CDX1: variants seen among roughly 807,000 people sequenced by gnomAD.
The protein encoded by CDX1 is caudal type homeobox 1.
Under a neutral mutation model 16.9 loss-of-function variants are expected in CDX1, and 9 were observed. That is an observed-to-expected ratio of 0.53 (90% CI 0.32 to 0.93). The LOEUF (loss-of-function observed/expected upper bound fraction) is 0.93, where lower values mean the gene tolerates loss of function less well. Among genes scored for constraint, CDX1 ranks in the 40% least tolerant of loss-of-function variants. The pLI is 0.04. For missense variants in CDX1, 393 were observed against 386.1 expected, an observed-to-expected ratio of 1.02 and a Z score of -0.15; for synonymous variants, 179 against 179.0, an observed-to-expected ratio of 1.00 and a Z score of 0.00.
chr5:150,175,623 A>G (rs1191235702), intron 1 of CDX1, among the ~76,000 whole-genome samples: 1 of 152,220 alleles, frequency 6.6e-6, no homozygotes, highest in Non-Finnish European at 1.5e-5. Flanking sequence ...CAGATCAGCC[A>G]AGACAAGGAC....
At chr5:150,168,892 T>C (rs1216133564) in intron 1 of CDX1, among the ~76,000 whole-genome samples, 1 of 152,244 alleles carries the variant, frequency 6.6e-6, no homozygotes, top group African/African-American at 2.4e-5. Flanking sequence ...AAGGTACAAA[T>C]GTTGCATCAT....
At chr5:150,182,085 C>T (rs907211275) in intron 1 of CDX1, among the ~76,000 whole-genome samples, 25 of 152,200 alleles carry the variant, frequency 1.6e-4, no homozygotes, top group African/African-American at 5.3e-4. Context: ...CCCAGGCATT[C>T]GGCAAGAACT....
Position 150,167,058 on chromosome 5 carries a change from G to A in CDX1, c.182G>A (p.Trp61Ter). ...VEPAPAPPTA[W>*]GAPFPAPKDD... Reference sequence around the variant, plus strand: ...CCGGCCCCCGCGCCCCCGACGGCCTGGGGGGCGCCCTTCCCTGCGCCCAAG... The same window carrying A: ...CCGGCCCCCGCGCCCCCGACGGCCTAGGGGGCGCCCTTCCCTGCGCCCAAG... Residue 61 changes from tryptophan (W) to a stop codon, truncating the protein, a stop_gained, in exon 1 of 3, where the codon TGG (tryptophan) becomes TAG (stop). Coordinates refer to ENST00000231656, the MANE Select transcript of CDX1 (RefSeq NM_001804.3). LOFTEE classifies it high-confidence loss of function. 1 of 1,424,792 alleles carries A rather than the reference G, an allele frequency of 7.0e-7. No individual in the cohort carries two copies. The highest frequency in any genetic ancestry group is 9.1e-7 in the Non-Finnish European group (1 of 1,094,660). 88.3% of individuals were successfully genotyped at this position (1,424,792 alleles called of 1,614,324 possible).
chr5:150,179,275 A>T (rs934501632), intron 1 of CDX1, among the ~76,000 whole-genome samples: 1 of 152,178 alleles, frequency 6.6e-6, no homozygotes, highest in South Asian at 2.1e-4. Context: ...TCCACCAGAG[A>T]GAAGTTGGCC....
At position 150,166,941 on chromosome 5, in the gene CDX1, G is replaced by T. The variant is rs759310179; in HGVS notation, c.65G>T (p.Ser22Ile). The T allele has an allele frequency of 8.0e-6, 12 of 1,502,256 alleles. No individual in the cohort carries two copies. Among genetic ancestry groups the T allele is most frequent in the Non-Finnish European group, 1.1e-5 (12 of 1,132,760 alleles). 93.1% of individuals were successfully genotyped at this position (1,502,256 alleles called of 1,614,324 possible). A position where few individuals can be genotyped will look rare whatever the true frequency, so the allele number is the denominator to read the frequency against. Residue 22 changes from serine (S) to isoleucine (I), a missense_variant, in exon 1 of 3, where the codon AGC (serine) becomes ATC (isoleucine). Ser to Ile is a moderately radical substitution (Grantham distance 142). Transcript: ENST00000231656. ...PVYPGPARPA[S>I]LGLGPQAYGP... is the part of the protein sequence containing the mutation. Reference sequence around the variant, plus strand: ...TACCCCGGCCCAGCCAGGCCAGCCAGCCTCGGCCTGGGCCCGCAAGCCTAC... The same window carrying T: ...TACCCCGGCCCAGCCAGGCCAGCCATCCTCGGCCTGGGCCCGCAAGCCTAC...
Position 150,166,957 on chromosome 5 carries a change from G to T in CDX1, c.81G>T (p.Pro27=). The part of the protein sequence containing the change: ...PARPASLGLG[P]QAYGPPAPPP... ...GGCCAGCCAGCCTCGGCCTGGGCCC[G>T]CAAGCCTACGGCCCCCCGGCCCCGC... The change falls in exon 1 of 3, where the codon CCG becomes CCT. Residue 27 remains proline (P), a synonymous_variant. Transcript: ENST00000231656. 2 of 1,482,108 alleles carry T rather than the reference G, an allele frequency of 1.3e-6. No homozygotes were observed. Among genetic ancestry groups the T allele is most frequent in the Non-Finnish European group, 1.8e-6 (2 of 1,122,608 alleles). The allele number at this position is 1,482,108 out of a possible 1,614,324, so 91.8% of individuals were successfully genotyped here. A position where few individuals can be genotyped will look rare whatever the true frequency, so the allele number is the denominator to read the frequency against.
intron 1 of CDX1, among the ~76,000 whole-genome samples, chr5:150,170,843 A>G (rs1192844714): frequency 6.6e-6 from 1 of 152,240 alleles, no homozygotes; most frequent in East Asian, 1.9e-4. Flanking sequence ...AGGATAGGAA[A>G]TGACTACAAG....
chr5:150,167,153 G>A lies in CDX1; in HGVS notation c.277G>A (p.Gly93Arg). 1 of 1,319,792 alleles carries A rather than the reference G, an allele frequency of 7.6e-7. No individual in the cohort carries two copies. 81.8% of individuals were successfully genotyped at this position (1,319,792 alleles called of 1,614,324 possible). ...CGCCAGCCCAGCTTCGCTGGCATTC[G>A]GGCCCCCTCCAGACTTTAGCCCGGT... ...PAASPASLAF[G>R]PPPDFSPVPA... The change falls in exon 1 of 3, where the codon GGG becomes AGG. Residue 93 changes from glycine to arginine, a missense_variant. Transcript: ENST00000231656.
Position 150,178,576 on chromosome 5 carries a change from A to T in CDX1, c.446-4192A>T, listed in dbSNP as rs184427605. Among the ~76,000 whole-genome samples the T allele has an allele frequency of 2.6e-3, 390 of 152,264 alleles. 2 individuals carry two copies. The highest frequency in any genetic ancestry group is 3.8e-3 in the Non-Finnish European group (259 of 68,004). The stretch of plus-strand genomic sequence containing the variant: ...CCAGGCTCCAGAGGTATCTTGGGGC[A>T]GTTGGGAGTTCCAGCCCAGAGCTGG... On this transcript the variant is annotated intron_variant, in intron 1 of 2. Coordinates refer to ENST00000231656, the MANE Select transcript of CDX1 (RefSeq NM_001804.3).
intron 1 of CDX1, among the ~76,000 whole-genome samples, chr5:150,178,985 G>T (rs1348523675): frequency 6.6e-6 from 1 of 151,984 alleles, no homozygotes; most frequent in African/African-American, 2.4e-5. Flanking sequence ...GCTTGTACAC[G>T]TGTACATTGT....
chr5:150,181,732 T>C (rs918884343), intron 1 of CDX1, among the ~76,000 whole-genome samples: 3 of 152,164 alleles, frequency 2.0e-5, no homozygotes, highest in African/African-American at 7.2e-5. Context: ...GAAACACTTA[T>C]CAACTAGTGT....
chr5:150,175,612 C>T (rs1761560162), intron 1 of CDX1, among the ~76,000 whole-genome samples: 1 of 152,218 alleles, frequency 6.6e-6, no homozygotes, highest in Non-Finnish European at 1.5e-5. Flanking sequence ...CCGGGGACTG[C>T]CAGATCAGCC....
At chr5:150,168,121 A>G (rs1761458485) in intron 1 of CDX1, among the ~76,000 whole-genome samples, 1 of 152,170 alleles carries the variant, frequency 6.6e-6, no homozygotes, top group African/African-American at 2.4e-5. Flanking sequence ...TTGGCTCGGT[A>G]GTGACTCCTG....
intron 1 of CDX1, among the ~76,000 whole-genome samples, chr5:150,168,211 G>A (rs1271617885): frequency 1.3e-5 from 2 of 152,228 alleles, no homozygotes; most frequent in South Asian, 2.1e-4. Flanking sequence ...AGCCTTGGGG[G>A]CGGGAAGCTG....
rs528638939 is a variant in CDX1 at position 150,171,420 on chromosome 5, C to T, written c.445+4099C>T. ...GTGCGATCTCGGCTCACTGCAAGCT[C>T]CGCCTCCCAGGTTCACGCCATTCTG... On this transcript the variant is annotated intron_variant, in intron 1 of 2. Transcript: ENST00000231656. 1.1e-4 allele frequency among the ~76,000 whole-genome samples: 17 copies of T among 152,300 alleles called. No homozygotes were observed. The South Asian group carries it at 3.5e-3, about 32-fold the overall frequency.
At chr5:150,167,395 G>A in intron 1 of CDX1, 74 bp downstream of exon 1, 1 of 1,066,990 alleles carries the variant, frequency 9.4e-7, no homozygotes, top group East Asian at 3.3e-5. Context: ...CCCCCTGTCT[G>A]ACCTCTGCTC....
chr5:150,175,017 TCCAC>T (rs1383982795), intron 1 of CDX1, among the ~76,000 whole-genome samples: 1 of 152,146 alleles, frequency 6.6e-6, no homozygotes, highest in African/African-American at 2.4e-5. Context: ...CCTCAGGTGA[TCCAC>T]CCACCTCAGC....
chr5:150,176,430 C>T (rs1462676531), intron 1 of CDX1, among the ~76,000 whole-genome samples: 4 of 152,226 alleles, frequency 2.6e-5, no homozygotes, highest in African/African-American at 7.2e-5. Flanking sequence ...CTTCGTTTGT[C>T]ATTCCTAGGC....
At chr5:150,180,958 A>T (rs189881615) in intron 1 of CDX1, among the ~76,000 whole-genome samples, 1 of 152,136 alleles carries the variant, frequency 6.6e-6, no homozygotes, top group South Asian at 2.1e-4. Context: ...CTCTCCCTGC[A>T]CTTCCCCTTC....
Sources: allele counts gnomAD v4.1 joint callset (sites outside exome capture counted in the v4.1 genomes callset), GRCh38; gene constraint gnomAD v4.1.1; transcripts MANE v1.5; gene names NCBI Gene and HGNC (gene_info 2026-07-23, HGNC 2026-07-21).